SEMA5A: variants seen among roughly 807,000 people sequenced by gnomAD.
The protein encoded by SEMA5A is semaphorin 5A.
In SEMA5A, 55 loss-of-function variants were observed where a neutral mutation model predicts 135.5. The observed-to-expected ratio is 0.41, with a 90% confidence interval of 0.33 to 0.51. The LOEUF is 0.51. Ranked by LOEUF, SEMA5A falls within the 20% of genes least tolerant of loss-of-function variation. The pLI is 0.37. For missense variants in SEMA5A, 1,290 were observed against 1,419.9 expected (o/e 0.91, Z 1.47); for synonymous variants, 580 against 546.5 (o/e 1.06, Z -0.85).
chr5:9,192,430 C>A (rs373659721), intron 10 of SEMA5A, among the ~76,000 whole-genome samples: 61 of 152,302 alleles, frequency 4.0e-4, no homozygotes, highest in African/African-American at 1.4e-3. Flanking sequence ...AAAGAGAAGC[C>A]ATTCAACTAA....
At chr5:9,428,086 GTGTATATATA>G (rs1197540016) in intron 2 of SEMA5A, among the ~76,000 whole-genome samples, 6 of 22,440 alleles carry the variant, frequency 2.7e-4, no homozygotes, top group South Asian at 1.2e-3. Flanking sequence ...ATATATGTGT[GTGTATATATA>G]TATATATATA....
At chr5:9,297,035 AG>A (rs576897918) in intron 5 of SEMA5A, among the ~76,000 whole-genome samples, 43 of 152,226 alleles carry the variant, frequency 2.8e-4, no homozygotes, top group African/African-American at 9.4e-4. Context: ...AGCTCAGAGA[AG>A]AAAATCAGCA....
chr5:9,431,925 A>G (rs1053906584), intron 2 of SEMA5A, among the ~76,000 whole-genome samples: 5 of 152,172 alleles, frequency 3.3e-5, no homozygotes, highest in African/African-American at 4.8e-5. Flanking sequence ...GTGATTCACA[A>G]ATATTTATAG....
chr5:9,269,796 CAT>C (rs1222556946), intron 5 of SEMA5A, among the ~76,000 whole-genome samples: 1 of 152,068 alleles, frequency 6.6e-6, no homozygotes, highest in African/African-American at 2.4e-5. Flanking sequence ...ATATGCAAAA[CAT>C]AAGAATTAGT....
intron 11 of SEMA5A, among the ~76,000 whole-genome samples, chr5:9,179,291 T>G (rs1449590904): frequency 6.6e-6 from 1 of 152,208 alleles, no homozygotes; most frequent in African/African-American, 2.4e-5. Context: ...TATGTATTTT[T>G]TGTCCACAGA....
At chr5:9,120,494 T>G (rs1475175062) in intron 14 of SEMA5A, among the ~76,000 whole-genome samples, 3 of 152,180 alleles carry the variant, frequency 2.0e-5, no homozygotes, top group Non-Finnish European at 2.9e-5. Context: ...AAACCTGCTC[T>G]ATAATAATAT....
chr5:9,224,729 G>T lies in SEMA5A; in HGVS notation c.591C>A (p.Ser197Arg). 2 of 1,614,184 alleles carry T rather than the reference G, an allele frequency of 1.2e-6. No individual in the cohort carries two copies. The highest frequency in any genetic ancestry group is 1.7e-6 in the Non-Finnish European group (2 of 1,180,036). Residue 197 changes from serine to arginine, a missense_variant, in exon 8 of 23, where the codon AGC becomes AGA. Ser to Arg is a moderately radical substitution (Grantham distance 110, BLOSUM62 -1). Around this residue, in one of 3 missense-constraint regions of SEMA5A, gnomAD observed 145 missense variants for 212.0 expected, o/e 0.68. Transcript: ENST00000382496. Reference sequence around the variant, plus strand: ...TGCGGAGAGGAGGTAAAATGCCTAGGCTTCGGTAAATGGCAGGATCACGTC... The same window carrying T: ...TGCGGAGAGGAGGTAAAATGCCTAGTCTTCGGTAAATGGCAGGATCACGTC... Reference protein sequence around the residue: ...FPGRDPAIYRSLGILPPLRTA... With the variant: ...FPGRDPAIYRRLGILPPLRTA...
At chr5:9,278,530 A>G (rs1038868116) in intron 5 of SEMA5A, among the ~76,000 whole-genome samples, 4 of 152,236 alleles carry the variant, frequency 2.6e-5, no homozygotes, top group African/African-American at 9.6e-5. Context: ...CTAAATGTTA[A>G]TCACCAAGGC....
At chr5:9,137,867 A>T (rs750773796) in intron 12 of SEMA5A, among the ~76,000 whole-genome samples, 7 of 152,238 alleles carry the variant, frequency 4.6e-5, no homozygotes, top group Non-Finnish European at 7.3e-5. Context: ...AATGTGACTT[A>T]TATTTGGTCA....
intron 3 of SEMA5A, among the ~76,000 whole-genome samples, chr5:9,374,264 GAA>G (rs5865828): frequency 6.8e-6 from 1 of 147,966 alleles, no homozygotes; most frequent in Admixed American, 6.7e-5. Context: ...ACAGAGGCTG[GAA>G]AAAAAAAAAG....
intron 1 of SEMA5A, among the ~76,000 whole-genome samples, chr5:9,441,058 T>C (rs551245529): frequency 6.6e-6 from 1 of 152,346 alleles, no homozygotes; most frequent in Admixed American, 6.5e-5. Context: ...TGCCATGGCA[T>C]TTAATTGACA....
intron 5 of SEMA5A, among the ~76,000 whole-genome samples, chr5:9,296,215 G>A (rs796602838): frequency 7.9e-5 from 12 of 152,186 alleles, no homozygotes; most frequent in African/African-American, 2.9e-4. Context: ...GTTCAATAAA[G>A]GCTATTAGTG....
chr5:9,485,492 C>T (rs1014817315), intron 1 of SEMA5A, among the ~76,000 whole-genome samples: 3 of 152,094 alleles, frequency 2.0e-5, no homozygotes, highest in Admixed American at 6.5e-5. Context: ...AATGAGCAAA[C>T]GAAACAGAAG....
chr5:9,407,743 T>C (rs1191136200), intron 2 of SEMA5A, among the ~76,000 whole-genome samples: 4 of 152,132 alleles, frequency 2.6e-5, no homozygotes, highest in Admixed American at 2.6e-4. Context: ...TGCTGCTAGG[T>C]CAACTAAGCC....
At chr5:9,330,284 G>A (rs1197386931) in intron 4 of SEMA5A, among the ~76,000 whole-genome samples, 1 of 151,892 alleles carries the variant, frequency 6.6e-6, no homozygotes, top group Admixed American at 6.6e-5. Flanking sequence ...CAGCTACTCG[G>A]GAGGCTGAGG....
rs548852021 is a variant in SEMA5A, at chr5:9,134,344, T to C, written c.1599+2160A>G. 2.0e-4 allele frequency among the ~76,000 whole-genome samples: 30 copies of C among 152,270 alleles called. No individual in the cohort carries two copies. The South Asian group carries it at 5.6e-3, about 28-fold the overall frequency. On this transcript the variant is annotated intron_variant, in intron 13 of 22. Transcript: ENST00000382496. ...TTACTTTTCTGTAGAGTCAGGGCCT[T>C]GCTATGTTGCCCAGGCTGGTCTCAA... is the stretch of plus-strand genomic sequence containing the variant.
chr5:9,494,868 CA>C (rs930015411), intron 1 of SEMA5A, among the ~76,000 whole-genome samples: 3 of 152,118 alleles, frequency 2.0e-5, no homozygotes, highest in Non-Finnish European at 4.4e-5. Flanking sequence ...AAATCACGTA[CA>C]AAAAATTATG....
At chr5:9,393,513 C>T (rs1279517273) in intron 2 of SEMA5A, among the ~76,000 whole-genome samples, 1 of 152,200 alleles carries the variant, frequency 6.6e-6, no homozygotes, top group African/African-American at 2.4e-5. Context: ...CCACCATTAA[C>T]CTTATGCTTC....
chr5:9,394,594 A>G (rs1051694285), intron 2 of SEMA5A, among the ~76,000 whole-genome samples: 1 of 152,170 alleles, frequency 6.6e-6, no homozygotes, highest in African/African-American at 2.4e-5. Context: ...CAAGTCATGG[A>G]AAGAAGCCCC....
Sources: allele counts gnomAD v4.1 joint callset (sites outside exome capture counted in the v4.1 genomes callset), GRCh38; gene constraint gnomAD v4.1.1; regional missense constraint gnomAD v4.1.1; transcripts MANE v1.5; gene names NCBI Gene and HGNC (gene_info 2026-07-23, HGNC 2026-07-21).